The following C2orf92 variants were observed in gnomAD, a reference collection of about 807,000 sequenced individuals.
The protein encoded by C2orf92 is uncharacterized protein C2orf92.
chr2:97,679,165 T>C (rs1675678368), intron 3 of C2orf92, among the ~76,000 whole-genome samples: 1 of 124,854 alleles, frequency 8.0e-6, no homozygotes, highest in Non-Finnish European at 2.0e-5. Context: ...TAACAGTCAC[T>C]TGACATAAGA....
chr2:97,688,334 A>T (rs73959772), intron 3 of C2orf92, among the ~76,000 whole-genome samples: 1 of 151,986 alleles, frequency 6.6e-6, no homozygotes, highest in African/African-American at 2.4e-5. Context: ...GGGCTTTGTG[A>T]GGGCTGTTTT....
intron 1 of C2orf92, among the ~76,000 whole-genome samples, chr2:97,673,736 G>A (rs1055228197): frequency 3.3e-5 from 5 of 151,990 alleles, no homozygotes; most frequent in Admixed American, 6.6e-5. Flanking sequence ...TAGATGGCTC[G>A]GGGAGGCACA....
At chr2:97,679,208 C>T (rs1426191981) in intron 3 of C2orf92, among the ~76,000 whole-genome samples, 8 of 151,874 alleles carry the variant, frequency 5.3e-5, no homozygotes, top group African/African-American at 1.5e-4. Flanking sequence ...TAACTACTAG[C>T]TCTAAAAGTC....
At position 97,699,082 on chromosome 2, in the gene C2orf92, A is replaced by C; in HGVS notation, c.460A>C (p.Arg154=). The C allele has an allele frequency of 2.5e-6, 1 of 398,628 alleles. No homozygotes were observed. Among genetic ancestry groups the C allele is most frequent in the Non-Finnish European group, 4.4e-6 (1 of 226,062 alleles). The allele number at this position is 398,628 out of a possible 1,614,324, so 24.7% of individuals were successfully genotyped here. A position where few individuals can be genotyped will look rare whatever the true frequency, so the allele number is the denominator to read the frequency against. Residue 154 remains arginine (R), a synonymous_variant, in exon 6 of 8, where the codon AGA becomes CGA. Coordinates refer to ENST00000627399, the MANE Select transcript of C2orf92 (RefSeq NM_001351368.2). The stretch of plus-strand genomic sequence containing the variant: ...ATCCTGTCTGTTCGACAGGGATTTA[A>C]GAGAGCAGTTAACTACTATAGATAA... The part of the protein sequence containing the change: ...KESCLFDRDL[R]EQLTTIDKET...
At chr2:97,671,748 G>A (rs952537776) in intron 1 of C2orf92, 15 of 352,172 alleles carry the variant, frequency 4.3e-5, no homozygotes, top group Non-Finnish European at 7.1e-5. Context: ...GGCGTCAGAT[G>A]CCACCTCACA....
upstream of C2orf92, chr2:97,666,951 C>G (rs1675252443): frequency 6.6e-6 from 1 of 152,212 alleles, no homozygotes; most frequent in East Asian, 1.9e-4. Context: ...CAGCTCCTAC[C>G]CCTTGGTCTC....
At chr2:97,697,761 T>A (rs189785252) in intron 5 of C2orf92, among the ~76,000 whole-genome samples, 2 of 152,294 alleles carry the variant, frequency 1.3e-5, no homozygotes, top group Non-Finnish European at 2.9e-5. Flanking sequence ...AGGGTCTCGC[T>A]CTGTTACCTG....
upstream of C2orf92, among the ~76,000 whole-genome samples, chr2:97,667,268 A>AT (rs1218123940): frequency 1.7e-3 from 39 of 22,852 alleles, no homozygotes; most frequent in Non-Finnish European, 2.3e-3. Context: ...TCTCTTTTTT[A>AT]TTTTTTTTTT....
upstream of C2orf92, chr2:97,664,794 C>T (rs565848634): frequency 4.0e-5 from 6 of 150,286 alleles, no homozygotes; most frequent in South Asian, 8.5e-4. Context: ...GGGCTAGCCT[C>T]GAACTCCTGA....
At chr2:97,688,809 T>C (rs1353376590) in intron 3 of C2orf92, 86 bp from the exon 4 acceptor site, 1 of 397,896 alleles carries the variant, frequency 2.5e-6, no homozygotes, top group Non-Finnish European at 4.4e-6. Flanking sequence ...ATTCACTGTA[T>C]TCATAGACTG....
intron 3 of C2orf92, among the ~76,000 whole-genome samples, chr2:97,681,093 C>T (rs1278728835): frequency 1.1e-4 from 12 of 112,646 alleles, no homozygotes; most frequent in African/African-American, 3.3e-4. Flanking sequence ...GGAGACAGAG[C>T]GAGACTCCAT....
chr2:97,694,163 T>G (rs1250403615), intron 5 of C2orf92, among the ~76,000 whole-genome samples: 1 of 152,216 alleles, frequency 6.6e-6, no homozygotes, highest in Non-Finnish European at 1.5e-5. Context: ...TACAGTATTT[T>G]GTTACTGACA....
At chr2:97,673,234 C>A (rs1185902167) in intron 1 of C2orf92, among the ~76,000 whole-genome samples, 1 of 152,182 alleles carries the variant, frequency 6.6e-6, no homozygotes, top group Non-Finnish European at 1.5e-5. Flanking sequence ...CAGGCAGTCA[C>A]ATCCCAGGAA....
intron 5 of C2orf92, among the ~76,000 whole-genome samples, chr2:97,691,631 G>T (rs1676140543): frequency 6.6e-6 from 1 of 152,214 alleles, no homozygotes; most frequent in South Asian, 2.1e-4. Context: ...TTTCCTGGGT[G>T]CAGGATTATG....
intron 2 of C2orf92, 143 bp from the exon 3 acceptor site, chr2:97,675,702 C>T: frequency 2.5e-6 from 1 of 397,088 alleles, no homozygotes; most frequent in Non-Finnish European, 4.4e-6. Flanking sequence ...TTCATGAATG[C>T]TCTGTGACAC....
chr2:97,688,988 G>A lies in C2orf92; in HGVS notation c.326G>A (p.Arg109Lys), dbSNP rs1676049550. The change falls in exon 4 of 8, where the codon AGA becomes AAA. Residue 109 changes from arginine to lysine, a missense_variant. Physicochemically the swap from Arg to Lys is conservative, Grantham distance 26 (BLOSUM62 2). Transcript: ENST00000627399. ...AGATCCATTACAAAGACAGACATGA[G>A]AAAAGGCAAGTGTATGTCATTAACA... is the stretch of plus-strand genomic sequence containing the variant. Reference protein sequence around the residue: ...AVRSITKTDMRKGTSIAWNSP... With the variant: ...AVRSITKTDMKKGTSIAWNSP... 2.5e-6 allele frequency: 1 copy of A among 398,488 alleles called. No homozygotes were observed. The highest frequency in any genetic ancestry group is 4.4e-6 in the Non-Finnish European group (1 of 226,062). 24.7% of individuals were successfully genotyped at this position (398,488 alleles called of 1,614,324 possible).
At chr2:97,683,081 C>CACACACAG (rs999649913) in intron 3 of C2orf92, among the ~76,000 whole-genome samples, 2 of 150,504 alleles carry the variant, frequency 1.3e-5, no homozygotes, top group African/African-American at 4.9e-5. Flanking sequence ...AGACTCCACA[C>CACACACAG]ACACACACAC....
intron 3 of C2orf92, among the ~76,000 whole-genome samples, chr2:97,680,559 T>C (rs1675734119): frequency 6.6e-6 from 1 of 152,162 alleles, no homozygotes; most frequent in Admixed American, 6.6e-5. Flanking sequence ...ACAAAATAGA[T>C]GTTAAACCAC....
At chr2:97,700,282 C>T (rs1322932654) in intron 6 of C2orf92, among the ~76,000 whole-genome samples, 1 of 152,156 alleles carries the variant, frequency 6.6e-6, no homozygotes, top group African/African-American at 2.4e-5. Flanking sequence ...TTGCCTCGTG[C>T]TGGTGCAGAC....
Sources: gnomAD v4.1 joint callset for allele counts (sites outside exome capture counted in the v4.1 genomes callset) on GRCh38, gnomAD v4.1.1 for gene constraint, MANE v1.5 for transcripts, NCBI Gene and HGNC (gene_info 2026-07-23, HGNC 2026-07-21) for gene names.